PEAK1: variants seen among roughly 807,000 people sequenced by gnomAD.
The protein encoded by PEAK1 is inactive tyrosine-protein kinase PEAK1.
Under a neutral mutation model 124.7 loss-of-function variants are expected in PEAK1, and 54 were observed. The ratio of observed to expected loss-of-function variants is 0.43; its 90% CI spans 0.35 to 0.54. PEAK1 has a LOEUF of 0.54. Ranked by LOEUF, PEAK1 falls within the 20% of genes least tolerant of loss-of-function variation. The pLI, the probability that PEAK1 is intolerant of heterozygous loss-of-function variation, is 0.01. For synonymous variants in PEAK1, 719 were observed against 760.0 expected (o/e 0.95, Z 0.89); for missense variants, 2,046 against 2,134.5 (o/e 0.96, Z 0.82).
chr15:77,310,009 T>C (rs937772393), intron 2 of PEAK1, among the ~76,000 whole-genome samples: 2 of 152,166 alleles, frequency 1.3e-5, no homozygotes, highest in African/African-American at 4.8e-5. Flanking sequence ...CAAACAGTGC[T>C]AAGAACCCAA....
At chr15:77,229,477 C>G (rs2059811098) in intron 6 of PEAK1, among the ~76,000 whole-genome samples, 1 of 152,150 alleles carries the variant, frequency 6.6e-6, no homozygotes, top group African/African-American at 2.4e-5. Flanking sequence ...TCTCATGGCA[C>G]TCATCATTCT....
intron 1 of PEAK1, among the ~76,000 whole-genome samples, chr15:77,373,394 CT>C (rs1275500882): frequency 1.3e-5 from 2 of 152,294 alleles, no homozygotes; most frequent in African/African-American, 4.8e-5. Context: ...ATAACTGTCT[CT>C]TATGGTTAGA....
chr15:77,417,862 A>T, intron 1 of PEAK1: 1 of 985,412 alleles, frequency 1.0e-6, no homozygotes, highest in Non-Finnish European at 1.2e-6. Flanking sequence ...TTATTTGGCA[A>T]ATATGGTTGG....
chr15:77,332,031 G>C (rs1170907303), intron 2 of PEAK1: 13 of 281,476 alleles, frequency 4.6e-5, no homozygotes, highest in Non-Finnish European at 6.9e-5. Context: ...GAGGTCAGGA[G>C]TTCAAAACCA....
chr15:77,129,483 C>T (rs2052663615), intron 9 of PEAK1, among the ~76,000 whole-genome samples: 1 of 151,494 alleles, frequency 6.6e-6, no homozygotes, highest in Admixed American at 6.6e-5. Flanking sequence ...ACTCTGTTGC[C>T]CAGGCTGGAG....
Position 77,181,791 on chromosome 15 carries a change from T to A in PEAK1, c.136A>T (p.Asn46Tyr). 1.2e-6 allele frequency: 2 copies of A among 1,614,150 alleles called. No individual in the cohort carries two copies. The highest frequency in any genetic ancestry group is 1.7e-6 in the Non-Finnish European group (2 of 1,179,998). ...APITHGNVKT[N>Y]ANHSNNHRIR... ...CGGTGGTTGTTACTGTGATTGGCAT[T>A]AGTTTTCACATTGCCATGGGTGATG... Residue 46 changes from asparagine to tyrosine, a missense_variant, in exon 7 of 10, where the codon AAT becomes TAT. Coordinates refer to ENST00000682557, the MANE Select transcript of PEAK1 (RefSeq NM_001385026.1).
intron 8 of PEAK1, among the ~76,000 whole-genome samples, chr15:77,140,603 CAAAGGAAAGGGCATCTTTGTA>C (rs2053700531): frequency 1.3e-5 from 2 of 152,142 alleles, no homozygotes; most frequent in South Asian, 4.1e-4. Context: ...CTCAACCTGA[CAAAGGAAAGGGCATCTTTGTA>C]AAAGAGCTAA....
rs549539590 is a variant in PEAK1, at chr15:77,211,968, T to A, written c.-114-29928A>T. 1.1e-4 allele frequency among the ~76,000 whole-genome samples: 16 copies of A among 152,200 alleles called. No homozygotes were observed. The South Asian group carries it at 3.1e-3, about 30-fold the overall frequency. ...CCTTCTCTGGTGTTTTCATAAAACA[T>A]TTATTCATTATTATTTACTGAGTTC... On this transcript the variant is annotated intron_variant, in intron 6 of 9. Transcript: ENST00000682557.
intron 2 of PEAK1, chr15:77,352,630 CTGAA>C (rs1173562019): frequency 1.0e-6 from 1 of 954,112 alleles, no homozygotes; most frequent in African/African-American, 1.8e-5. Flanking sequence ...TCATGAATAA[CTGAA>C]TATTTCTGCC....
At chr15:77,403,030 T>A (rs1236401369) in intron 1 of PEAK1, 2 of 985,138 alleles carry the variant, frequency 2.0e-6, no homozygotes, top group East Asian at 2.3e-4. Flanking sequence ...TAAGCAATGA[T>A]GAAATGTTGC....
intron 6 of PEAK1, among the ~76,000 whole-genome samples, chr15:77,198,753 A>T (rs2058225346): frequency 6.6e-6 from 1 of 152,240 alleles, no homozygotes. Flanking sequence ...AAAGTGAAGG[A>T]GCTAGAGAAT....
rs1168053769 is a variant in PEAK1 at position 77,278,689 on chromosome 15, C to T, written c.-275+5194G>A. The T allele has an allele frequency of 1.5e-5, 8 of 518,876 alleles. No individual in the cohort carries two copies. In the Admixed American group the frequency reaches 1.6e-4, roughly 10 times the overall value. The allele number at this position is 518,876 out of a possible 1,614,324, so 32.1% of individuals were successfully genotyped here. On this transcript the variant is annotated intron_variant, in intron 5 of 9. Coordinates refer to ENST00000682557, the MANE Select transcript of PEAK1 (RefSeq NM_001385026.1). ...ATAAGCCTGCAGAAAATGGAGATGC[C>T]AAAACAGACCAGACACAGAAAGGTG...
At chr15:77,117,627 A>G (rs1377509684) in intron 9 of PEAK1, among the ~76,000 whole-genome samples, 2 of 152,228 alleles carry the variant, frequency 1.3e-5, no homozygotes, top group Admixed American at 1.3e-4. Flanking sequence ...TAGAGGACAG[A>G]CAAAAAGAAA....
At chr15:77,381,571 G>T in intron 1 of PEAK1, 2 of 624,820 alleles carry the variant, frequency 3.2e-6, no homozygotes, top group Non-Finnish European at 4.0e-6. Context: ...CACTTGTAAG[G>T]CATAGAGTCA....
chr15:77,349,500 T>G, intron 2 of PEAK1: 1 of 985,210 alleles, frequency 1.0e-6, no homozygotes, highest in Non-Finnish European at 1.2e-6. Flanking sequence ...TCAATTGATA[T>G]TGGCTTAATA....
chr15:77,130,093 C>T (rs1596290800), intron 9 of PEAK1, among the ~76,000 whole-genome samples: 1 of 152,168 alleles, frequency 6.6e-6, no homozygotes, highest in East Asian at 1.9e-4. Flanking sequence ...ATTGGTTTTA[C>T]ATCATTATAA....
intron 1 of PEAK1, among the ~76,000 whole-genome samples, chr15:77,394,127 A>T (rs1404231604): frequency 6.6e-6 from 1 of 152,194 alleles, no homozygotes; most frequent in Non-Finnish European, 1.5e-5. Flanking sequence ...AGCATCAGCT[A>T]GATTCCTAAG....
rs2050927811 is a variant in PEAK1 at position 77,110,643 on chromosome 15, G to C, written c.*3513C>G. ...AACAGCAGCAGGGTAGGTAGGATGA[G>C]TGCTTGTGCCCTCACCTCAACCCAT... On this transcript the variant is annotated 3_prime_UTR_variant, in exon 10 of 10. Transcript: ENST00000682557. 6.6e-6 allele frequency: 1 copy of C among 152,196 alleles called. No homozygotes were observed. The highest frequency in any genetic ancestry group is 2.4e-5 in the African/African-American group (1 of 41,440). 9.4% of individuals were successfully genotyped at this position (152,196 alleles called of 1,614,324 possible). A position where few individuals can be genotyped will look rare whatever the true frequency, so the allele number is the denominator to read the frequency against.
At chr15:77,223,043 T>C (rs1348510586) in intron 6 of PEAK1, among the ~76,000 whole-genome samples, 2 of 151,996 alleles carry the variant, frequency 1.3e-5, no homozygotes, top group African/African-American at 2.4e-5. Flanking sequence ...TGCTTTAGTA[T>C]GTATATGAAA....
Sources: allele counts gnomAD v4.1 joint callset (sites outside exome capture counted in the v4.1 genomes callset), GRCh38; gene constraint gnomAD v4.1.1; transcripts MANE v1.5; gene names NCBI Gene and HGNC (gene_info 2026-07-23, HGNC 2026-07-21).